SLC6A19: variants seen among roughly 807,000 people sequenced by gnomAD.
SLC6A19 encodes the protein solute carrier family 6 member 19.
Under a neutral mutation model 68.3 loss-of-function variants are expected in SLC6A19, and 67 were observed. That is an observed-to-expected ratio of 0.98 (90% CI 0.81 to 1.20). The LOEUF (loss-of-function observed/expected upper bound fraction) is 1.20. Ranked by LOEUF, SLC6A19 falls within the 50% of genes most tolerant of loss-of-function variation. The pLI is 0.00. For missense variants in SLC6A19, 813 were observed against 851.6 expected, an observed-to-expected ratio of 0.95 and a Z score of 0.56; for synonymous variants, 392 against 374.9, an observed-to-expected ratio of 1.05 and a Z score of -0.53.
chr5:1,219,466 C>A, intron 9 of SLC6A19, 39 bp from the exon 10 acceptor site: 1 of 1,606,196 alleles, frequency 6.2e-7, no homozygotes, highest in South Asian at 1.1e-5. Flanking sequence ...GTGCGTGCAG[C>A]CCCTGGGCGT....
At chr5:1,204,403 T>A (rs1205787663) in intron 1 of SLC6A19, among the ~76,000 whole-genome samples, 2 of 152,158 alleles carry the variant, frequency 1.3e-5, no homozygotes, top group Non-Finnish European at 2.9e-5. Context: ...ATGGGTGTGA[T>A]GGCGGAGCCC....
intron 1 of SLC6A19, among the ~76,000 whole-genome samples, chr5:1,206,262 CCTGT>C (rs34748564): frequency 0.036 from 5,442 of 151,858 alleles, 152 homozygotes; most frequent in Non-Finnish European, 0.053. Flanking sequence ...TCTCCATCGC[CCTGT>C]CTGTTTCTCT....
chr5:1,219,758 C>T, intron 10 of SLC6A19, 94 bp downstream of exon 10: 1 of 1,564,644 alleles, frequency 6.4e-7, no homozygotes. Flanking sequence ...GTTCAGGGTA[C>T]GGAGGGAGAG....
At chr5:1,221,565 A>G in intron 11 of SLC6A19, 136 bp from the exon 12 acceptor site, 1 of 1,160,418 alleles carries the variant, frequency 8.6e-7, no homozygotes, top group Non-Finnish European at 1.3e-6. Flanking sequence ...GGGAAAGGGG[A>G]AGCTGGAGGA....
chr5:1,207,958 A>G (rs1004187242), intron 1 of SLC6A19, among the ~76,000 whole-genome samples: 1 of 152,224 alleles, frequency 6.6e-6, no homozygotes, highest in African/African-American at 2.4e-5. Context: ...AGGTGGGTAG[A>G]TCCCCCATAA....
chr5:1,219,741 G>A lies in SLC6A19; in HGVS notation c.1538+77G>A, dbSNP rs967201584. Reference sequence around the variant, plus strand: ...AGGGCGTTCCTGTGAGGGAGGACCCGGGCTGTGTTCAGGGTACGGAGGGAG... The same window carrying A: ...AGGGCGTTCCTGTGAGGGAGGACCCAGGCTGTGTTCAGGGTACGGAGGGAG... On this transcript the variant is annotated intron_variant, in intron 10 of 11. Transcript: ENST00000304460. 2.0e-5 allele frequency: 31 copies of A among 1,587,964 alleles called. 1 individual carries two copies. The highest frequency in any genetic ancestry group is 9.4e-5 in the African/African-American group (7 of 74,708).
Position 1,221,424 on chromosome 5 carries a change from T to G in SLC6A19, c.1701+111T>G, listed in dbSNP as rs1048790260. ...CACACAATACACACACCCACACACATGGGCACACACACTCACACTCAGGTG... is the reference window on the plus strand; with the variant it reads ...CACACAATACACACACCCACACACAGGGGCACACACACTCACACTCAGGTG... On this transcript the variant is annotated intron_variant, in intron 11 of 11. Coordinates refer to ENST00000304460, the MANE Select transcript of SLC6A19 (RefSeq NM_001003841.3). 2.2e-6 allele frequency: 3 copies of G among 1,352,390 alleles called. No individual in the cohort carries two copies. The African/African-American group carries it at 4.3e-5, about 19-fold the overall frequency. The allele number at this position is 1,352,390 out of a possible 1,614,324, so 83.8% of individuals were successfully genotyped here. A position where few individuals can be genotyped will look rare whatever the true frequency, so the allele number is the denominator to read the frequency against.
At position 1,213,522 on chromosome 5, in the gene SLC6A19, C is replaced by T. The variant is rs747155465; in HGVS notation, c.723C>T (p.Gly241=). The T allele has an allele frequency of 2.5e-6, 4 of 1,610,894 alleles. No homozygotes were observed. The East Asian group carries it at 9.0e-5, about 36-fold the overall frequency. Residue 241 remains glycine (G), a synonymous_variant, in exon 5 of 12, where the codon GGC becomes GGT. Coordinates refer to ENST00000304460, the MANE Select transcript of SLC6A19 (RefSeq NM_001003841.3). Reference sequence around the variant, plus strand: ...TCCTGACCATCTTCCTCATCCGAGGCCTGACGCTGAAGGGCGCCACCAATG... The same window carrying T: ...TCCTGACCATCTTCCTCATCCGAGGTCTGACGCTGAAGGGCGCCACCAATG... The part of the protein sequence containing the change: ...YVVLTIFLIR[G]LTLKGATNGI...
In SLC6A19 at chr5:1,214,157, G is replaced by C; in HGVS notation, c.887+92G>C. 6.3e-7 allele frequency: 1 copy of C among 1,586,562 alleles called. No homozygotes were observed. The highest frequency in any genetic ancestry group is 1.1e-5 in the South Asian group (1 of 88,420). ...AAGACAAGGTGGAAAGCACTCTGTG[G>C]CTGTGTGGCCGGGGCCTTGCTGCCC... On this transcript the variant is annotated intron_variant, in intron 6 of 11. Transcript: ENST00000304460. The surrounding 1 kb of genome is among the most constrained non-coding windows in gnomAD (Gnocchi z 7.4).
chr5:1,212,631 CT>C lies in SLC6A19; in HGVS notation c.663+149del. 1 of 1,055,616 alleles carries C rather than the reference CT, an allele frequency of 9.5e-7. No individual in the cohort carries two copies. Among genetic ancestry groups the C allele is most frequent in the Non-Finnish European group, 1.4e-6 (1 of 727,216 alleles). 65.4% of individuals were successfully genotyped at this position (1,055,616 alleles called of 1,614,324 possible). A position where few individuals can be genotyped will look rare whatever the true frequency, so the allele number is the denominator to read the frequency against. ...CCCCACCAAGAGAGCTGCCTTTGCC[CT>C]TAGGCTCACTGGCCTGGGCGGGAGG... On this transcript the variant is annotated intron_variant, in intron 4 of 11. Transcript: ENST00000304460. This position sits in a 1 kb window ranked among gnomAD's most constrained non-coding sequence, Gnocchi z 5.1.
chr5:1,204,370 A>T (rs974903431), intron 1 of SLC6A19, among the ~76,000 whole-genome samples: 3 of 152,286 alleles, frequency 2.0e-5, no homozygotes, highest in African/African-American at 4.8e-5. Flanking sequence ...GGCGTGCTGC[A>T]CCTGGGCATT....
At chr5:1,203,391 T>C (rs1745768799) in intron 1 of SLC6A19, among the ~76,000 whole-genome samples, 1 of 152,102 alleles carries the variant, frequency 6.6e-6, no homozygotes, top group Non-Finnish European at 1.5e-5. Flanking sequence ...CCCTGGGCCA[T>C]GCTGGGGTGG....
chr5:1,218,512 G>A (rs1318914628), intron 8 of SLC6A19, among the ~76,000 whole-genome samples: 2 of 152,216 alleles, frequency 1.3e-5, no homozygotes, highest in African/African-American at 2.4e-5. Flanking sequence ...CTCTAACCCG[G>A]CCGTTGGCCA....
In SLC6A19 at chr5:1,221,227, C is replaced by T; in HGVS notation, c.1615C>T (p.Pro539Ser). ...GCAAGTCACGTGGCGCGTGGTCAGC[C>T]CCCTGCTCATGCTGATCATCTTCCT... ...FWQVTWRVVS[P>S]LLMLIIFLFF... The change falls in exon 11 of 12, where the codon CCC becomes TCC. Residue 539 changes from proline to serine, a missense_variant. Pro to Ser is a moderately conservative substitution (Grantham distance 74). Transcript: ENST00000304460. 1 of 1,614,144 alleles carries T rather than the reference C, an allele frequency of 6.2e-7. No homozygotes were observed. Among genetic ancestry groups the T allele is most frequent in the Non-Finnish European group, 8.5e-7 (1 of 1,180,030 alleles).
At chr5:1,219,770 C>A in intron 10 of SLC6A19, 106 bp downstream of exon 10, 1 of 1,514,798 alleles carries the variant, frequency 6.6e-7, no homozygotes, top group South Asian at 1.1e-5. Context: ...GAGGGAGAGT[C>A]TATGACTCGG....
chr5:1,222,292 A>T lies in SLC6A19; in HGVS notation c.*388A>T, dbSNP rs1427038202. 3.6e-6 allele frequency: 2 copies of T among 549,930 alleles called. No homozygotes were observed. Among genetic ancestry groups the T allele is most frequent in the East Asian group, 5.7e-5 (2 of 34,856 alleles). The allele number at this position is 549,930 out of a possible 1,614,324, so 34.1% of individuals were successfully genotyped here. On this transcript the variant is annotated 3_prime_UTR_variant, in exon 12 of 12. Transcript: ENST00000304460. ...CCCGTGTGTGTGCATGTATATATAG[A>T]CATACATGCCTATGTTGTGTGTGGT...
chr5:1,216,728 T>C (rs779216333), intron 7 of SLC6A19, 42 bp downstream of exon 7: 3 of 1,613,688 alleles, frequency 1.9e-6, no homozygotes, highest in Non-Finnish European at 2.5e-6. Flanking sequence ...GGGCTGCGCC[T>C]CCAGGAAGCC....
Position 1,212,268 on chromosome 5 carries a change from C to G in SLC6A19, c.482-35C>G. On this transcript the variant is annotated intron_variant, in intron 3 of 11. Coordinates refer to ENST00000304460, the MANE Select transcript of SLC6A19 (RefSeq NM_001003841.3). The surrounding 1 kb of genome is among the most constrained non-coding windows in gnomAD (Gnocchi z 5.1). ...TTCCATTCTCCTCCCTTGGGGGACC[C>G]GTACCCTGAGGTGTGTGAATGGCCC... 6.2e-7 allele frequency: 1 copy of G among 1,611,292 alleles called. No homozygotes were observed. Among genetic ancestry groups the G allele is most frequent in the Non-Finnish European group, 8.5e-7 (1 of 1,179,768 alleles).
Position 1,221,698 on chromosome 5 carries a change from C to G in SLC6A19, c.1702-3C>G. On this transcript the variant is annotated splice_polypyrimidine_tract_variant and splice_region_variant and intron_variant, in intron 11 of 11. Transcript: ENST00000304460. ...CTACTCACCCATGGGGCTCTCTCCC[C>G]AGGAGGAATTTCCCAAATCCCAGAA... is the stretch of plus-strand genomic sequence containing the variant. The G allele has an allele frequency of 6.2e-7, 1 of 1,613,908 alleles. No individual in the cohort carries two copies. Among genetic ancestry groups the G allele is most frequent in the Non-Finnish European group, 8.5e-7 (1 of 1,179,866 alleles).
Sources: allele counts gnomAD v4.1 joint callset (sites outside exome capture counted in the v4.1 genomes callset), GRCh38; gene constraint gnomAD v4.1.1; non-coding constraint Gnocchi (gnomAD v3.1); transcripts MANE v1.5; gene names NCBI Gene and HGNC (gene_info 2026-07-23, HGNC 2026-07-21).